The following CILP2 variants were observed in gnomAD, a reference collection of about 807,000 sequenced individuals.
The protein encoded by CILP2 is cartilage intermediate layer protein 2.
Under a neutral mutation model 45.6 loss-of-function variants are expected in CILP2, and 38 were observed. That is an observed-to-expected ratio of 0.83 (90% CI 0.64 to 1.09). The LOEUF (loss-of-function observed/expected upper bound fraction) is 1.09, where lower values mean the gene tolerates loss of function less well. CILP2 is among the 50% of genes least tolerant of loss of function. CILP2 has a pLI of 0.00. For missense variants in CILP2, 1,735 were observed against 1,662.2 expected, an observed-to-expected ratio of 1.04 and a Z score of -0.76; for synonymous variants, 780 against 723.5, an observed-to-expected ratio of 1.08 and a Z score of -1.25.
At chr19:19,539,625 C>A in intron 1 of CILP2, 54 bp from the exon 2 acceptor site, 1 of 1,343,836 alleles carries the variant, frequency 7.4e-7, no homozygotes, top group Non-Finnish European at 1.0e-6. Context: ...AGGAGGCTCC[C>A]AGCGGTCCCC....
chr19:19,540,287 T>C lies in CILP2; in HGVS notation c.247T>C (p.Tyr83His). ...DFESLAAIRFYYGPARVCPRP... is the reference protein window; with the variant it reads ...DFESLAAIRFHYGPARVCPRP... ...CGAGAGCCTGGCTGCCATCCGCTTC[T>C]ACTACGGGCCAGCGCGCGTGTGCCC... The change falls in exon 3 of 8, where the codon TAC becomes CAC. Residue 83 changes from tyrosine (Y) to histidine (H), a missense_variant. Tyr to His is a moderately conservative substitution (Grantham distance 83). Coordinates refer to ENST00000291495, the MANE Select transcript of CILP2 (RefSeq NM_153221.2). The C allele has an allele frequency of 1.3e-6, 2 of 1,597,632 alleles. No individual in the cohort carries two copies. Among genetic ancestry groups the C allele is most frequent in the Non-Finnish European group, 1.7e-6 (2 of 1,175,448 alleles).
chr19:19,539,098 G>C (rs540168584), intron 1 of CILP2, among the ~76,000 whole-genome samples: 1 of 152,316 alleles, frequency 6.6e-6, no homozygotes, highest in South Asian at 2.1e-4. Flanking sequence ...GGGGAACTGG[G>C]TGGTACTTGC....
chr19:19,545,739 C>T lies in CILP2; in HGVS notation c.3194C>T (p.Thr1065Ile). ...LGHNYGVYTV[T>I]DQSPRLAKEI... ...CACAACTATGGCGTCTACACTGTCACTGACCAGAGCCCACGCTTGGCCAAG... is the reference window on the plus strand; with the variant it reads ...CACAACTATGGCGTCTACACTGTCATTGACCAGAGCCCACGCTTGGCCAAG... The change falls in exon 8 of 8, where the codon ACT becomes ATT. Residue 1065 changes from threonine to isoleucine, a missense_variant. By Grantham distance (89) the Thr-to-Ile change is moderately conservative. Coordinates refer to ENST00000291495, the MANE Select transcript of CILP2 (RefSeq NM_153221.2). 1 of 1,612,880 alleles carries T rather than the reference C, an allele frequency of 6.2e-7. No individual in the cohort carries two copies. Among genetic ancestry groups the T allele is most frequent in the Non-Finnish European group, 8.5e-7 (1 of 1,179,552 alleles).
intron 2 of CILP2, 114 bp downstream of exon 2, chr19:19,539,891 G>A (rs1440209737): frequency 2.3e-6 from 2 of 861,038 alleles, no homozygotes; most frequent in South Asian, 2.1e-5. Flanking sequence ...GCCCGGCGCC[G>A]TCCTGGTCCC....
Position 19,545,509 on chromosome 19 carries a change from A to T in CILP2, c.2964A>T (p.Ala988=), listed in dbSNP as rs1039807326. Residue 988 remains alanine (A), a synonymous_variant, in exon 8 of 8, where the codon GCA becomes GCT. Coordinates refer to ENST00000291495, the MANE Select transcript of CILP2 (RefSeq NM_153221.2). The part of the protein sequence containing the change: ...VRDPERPGTS[A]ACVEFKCSGM... ...ACCCCGAGCGTCCGGGCACCTCGGC[A>T]GCCTGCGTGGAGTTCAAGTGCAGCG... The T allele has an allele frequency of 1.9e-6, 3 of 1,612,502 alleles. No individual in the cohort carries two copies. Among genetic ancestry groups the T allele is most frequent in the African/African-American group, 2.7e-5 (2 of 74,934 alleles).
In CILP2 at chr19:19,545,721, A is replaced by G. The variant is rs2061263078; in HGVS notation, c.3176A>G (p.Tyr1059Cys). 1 of 1,613,142 alleles carries G rather than the reference A, an allele frequency of 6.2e-7. No individual in the cohort carries two copies. Among genetic ancestry groups the G allele is most frequent in the Non-Finnish European group, 8.5e-7 (1 of 1,179,810 alleles). The stretch of plus-strand genomic sequence containing the variant: ...CCCCTAGACCCTCTGGGCCACAACT[A>G]TGGCGTCTACACTGTCACTGACCAG... ...LAPLDPLGHN[Y>C]GVYTVTDQSP... The change falls in exon 8 of 8, where the codon TAT (tyrosine) becomes TGT (cysteine). Residue 1059 changes from tyrosine to cysteine, a missense_variant. Tyr to Cys is a radical substitution (Grantham distance 194, BLOSUM62 -2). Coordinates refer to ENST00000291495, the MANE Select transcript of CILP2 (RefSeq NM_153221.2).
Position 19,544,976 on chromosome 19 carries a change from G to T in CILP2, c.2431G>T (p.Ala811Ser), listed in dbSNP as rs753346659. ...RPDAYTALVT[A>S]TLGGEELEPA... is the part of the protein sequence containing the mutation. ...AGACGCCTACACCGCCCTGGTCACC[G>T]CCACCCTGGGCGGCGAGGAGCTGGA... Residue 811 changes from alanine (A) to serine (S), a missense_variant, in exon 8 of 8, where the codon GCC (alanine) becomes TCC (serine). By Grantham distance (99) the Ala-to-Ser change is moderately conservative. Transcript: ENST00000291495. 1.9e-6 allele frequency: 3 copies of T among 1,596,346 alleles called. No homozygotes were observed. The highest frequency in any genetic ancestry group is 2.7e-5 in the African/African-American group (2 of 74,766).
At position 19,540,605 on chromosome 19, in the gene CILP2, C is replaced by T. The variant is rs531383058; in HGVS notation, c.436+129C>T. ...GGGTGTGGGCGTGGCTGGGAAGAGC[C>T]GGGGGACCCTTAGGCGTAGGACGAC... On this transcript the variant is annotated intron_variant, in intron 3 of 7. Coordinates refer to ENST00000291495, the MANE Select transcript of CILP2 (RefSeq NM_153221.2). 1.4e-4 allele frequency: 157 copies of T among 1,087,232 alleles called. 1 individual carries two copies. The East Asian group carries it at 4.7e-3, about 33-fold the overall frequency. The allele number at this position is 1,087,232 out of a possible 1,614,324, so 67.3% of individuals were successfully genotyped here.
chr19:19,544,379 C>G lies in CILP2; in HGVS notation c.1834C>G (p.Pro612Ala). The change falls in exon 8 of 8, where the codon CCC becomes GCC. Residue 612 changes from proline to alanine, a missense_variant. Pro to Ala is a conservative substitution (Grantham distance 27). Transcript: ENST00000291495. ...PVEARVTFVD[P>A]RDLTSAASAP... ...GGAGGCCCGGGTGACGTTCGTGGAC[C>G]CCCGAGACCTCACCTCGGCGGCGTC... The G allele has an allele frequency of 1.9e-6, 3 of 1,609,438 alleles. No individual in the cohort carries two copies. The highest frequency in any genetic ancestry group is 2.5e-6 in the Non-Finnish European group (3 of 1,178,974).
At position 19,546,175 on chromosome 19, in the gene CILP2, C is replaced by T. The variant is rs984906130; in HGVS notation, c.*159C>T. On this transcript the variant is annotated 3_prime_UTR_variant, in exon 8 of 8. Coordinates refer to ENST00000291495, the MANE Select transcript of CILP2 (RefSeq NM_153221.2). Reference sequence around the variant, plus strand: ...GAGTCAGACAAGAACCCAGAGCATCCGATGGTAGAAACACCAGGAAGACAA... The same window carrying T: ...GAGTCAGACAAGAACCCAGAGCATCTGATGGTAGAAACACCAGGAAGACAA... The T allele has an allele frequency of 5.1e-5, 27 of 527,872 alleles. No homozygotes were observed. The highest frequency in any genetic ancestry group is 7.1e-5 in the Non-Finnish European group (23 of 322,058). 32.7% of individuals were successfully genotyped at this position (527,872 alleles called of 1,614,324 possible).
chr19:19,543,745 T>G lies in CILP2; in HGVS notation c.1200T>G (p.Cys400Trp), dbSNP rs774101229. The change falls in exon 8 of 8, where the codon TGT becomes TGG. Residue 400 changes from cysteine (C) to tryptophan (W), a missense_variant. Cys to Trp is a radical substitution (Grantham distance 215). Transcript: ENST00000291495. ...ACCTGATCAAGCTCCCTGAGGACTG[T>G]GGTCAGCCAGGTAGTGGCCCTGCCT... ...REYLIKLPED[C>W]GQPGSGPAYL... 6.2e-7 allele frequency: 1 copy of G among 1,613,216 alleles called. No homozygotes were observed. Among genetic ancestry groups the G allele is most frequent in the Non-Finnish European group, 8.5e-7 (1 of 1,179,522 alleles).
chr19:19,541,076 CCCTGCCTTCCGCAGAAG>C lies in CILP2; in HGVS notation c.437-11_442del. ...GGGAGGGCGGCCACCTGATCTCCGT[CCCTGCCTTCCGCAGAAG>C]CCTCGTGGGGCGCGTGGGGCCCGTG... On this transcript the variant is annotated splice_acceptor_variant and splice_polypyrimidine_tract_variant and coding_sequence_variant and intron_variant, in exon 4 of 8. Coordinates refer to ENST00000291495, the MANE Select transcript of CILP2 (RefSeq NM_153221.2). LOFTEE classifies it high-confidence loss of function. 1.6e-6 allele frequency: 2 copies of C among 1,256,642 alleles called. No homozygotes were observed. Among genetic ancestry groups the C allele is most frequent in the Non-Finnish European group, 2.0e-6 (2 of 1,000,546 alleles). 77.8% of individuals were successfully genotyped at this position (1,256,642 alleles called of 1,614,324 possible).
Position 19,544,816 on chromosome 19 carries a change from C to A in CILP2, c.2271C>A (p.Gly757=). ...DKFTPSEQVE[G]VVVTLVNLEP... Reference sequence around the variant, plus strand: ...TCACCCCCAGCGAGCAGGTGGAGGGCGTGGTGGTCACGCTGGTCAATCTGG... The same window carrying A: ...TCACCCCCAGCGAGCAGGTGGAGGGAGTGGTGGTCACGCTGGTCAATCTGG... Residue 757 remains glycine, a synonymous_variant, in exon 8 of 8, where the codon GGC becomes GGA. Transcript: ENST00000291495. 6.2e-7 allele frequency: 1 copy of A among 1,603,778 alleles called. No individual in the cohort carries two copies. The highest frequency in any genetic ancestry group is 8.5e-7 in the Non-Finnish European group (1 of 1,179,546).
In CILP2 at chr19:19,545,793, G is replaced by T. The variant is rs1320158817; in HGVS notation, c.3248G>T (p.Gly1083Val). The change falls in exon 8 of 8, where the codon GGT (glycine) becomes GTT (valine). Residue 1083 changes from glycine (G) to valine (V), a missense_variant. By Grantham distance (109) the Gly-to-Val change is moderately radical (BLOSUM62 -3). Transcript: ENST00000291495. Reference sequence around the variant, plus strand: ...ATCGCCATTGGCCGCTGCTTTGATGGTTCCTCTGACGGCTTCTCCAGAGAG... The same window carrying T: ...ATCGCCATTGGCCGCTGCTTTGATGTTTCCTCTGACGGCTTCTCCAGAGAG... ...KEIAIGRCFD[G>V]SSDGFSREMK... 1 of 1,599,030 alleles carries T rather than the reference G, an allele frequency of 6.3e-7. No individual in the cohort carries two copies. The highest frequency in any genetic ancestry group is 1.1e-5 in the South Asian group (1 of 89,968).
At position 19,541,233 on chromosome 19, in the gene CILP2, G is replaced by T; in HGVS notation, c.579G>T (p.Arg193=). 2 of 1,286,634 alleles carry T rather than the reference G, an allele frequency of 1.6e-6. No individual in the cohort carries two copies. Among genetic ancestry groups the T allele is most frequent in the Non-Finnish European group, 2.0e-6 (2 of 1,015,604 alleles). The allele number at this position is 1,286,634 out of a possible 1,614,324, so 79.7% of individuals were successfully genotyped here. The change falls in exon 4 of 8, where the codon CGG becomes CGT. Residue 193 remains arginine, a synonymous_variant. Coordinates refer to ENST00000291495, the MANE Select transcript of CILP2 (RefSeq NM_153221.2). ...CTCTGGAGGCGCAGAAGTGCGTGCGGCCTCGGTGTCCAGGTAGGAGGGGCG... is the reference window on the plus strand; with the variant it reads ...CTCTGGAGGCGCAGAAGTGCGTGCGTCCTCGGTGTCCAGGTAGGAGGGGCG... ...GRPLEAQKCV[R]PRCPGCSLDT...
rs1259655165 is a variant in CILP2, at chr19:19,541,151, G to A, written c.497G>A (p.Arg166His). Residue 166 changes from arginine (R) to histidine (H), a missense_variant, in exon 4 of 8, where the codon CGT becomes CAT. Physicochemically the swap from Arg to His is conservative, Grantham distance 29. Coordinates refer to ENST00000291495, the MANE Select transcript of CILP2 (RefSeq NM_153221.2). ...GPCSGSCGPG[R>H]RLRRRHCPSP... ...TGCTCGGGGAGCTGTGGGCCAGGCC[G>A]TCGCTTGCGCCGCCGCCACTGCCCA... 1.6e-6 allele frequency: 2 copies of A among 1,258,876 alleles called. No individual in the cohort carries two copies. The highest frequency in any genetic ancestry group is 3.9e-5 in the Admixed American group (1 of 25,914). 78.0% of individuals were successfully genotyped at this position (1,258,876 alleles called of 1,614,324 possible).
rs1439836742 is a variant in CILP2 at position 19,545,891 on chromosome 19, C to T, written c.3346C>T (p.Gln1116Ter). ...EPPAGRPSLF[Q>*]RLLESPATAL... ...ACCGGCCGGACGACCCAGCCTCTTC[C>T]AGAGGCTGCTGGAGTCCCCGGCGAC... The change falls in exon 8 of 8, where the codon CAG becomes TAG. Residue 1116 changes from glutamine to a stop codon, truncating the protein, a stop_gained. Coordinates refer to ENST00000291495, the MANE Select transcript of CILP2 (RefSeq NM_153221.2). LOFTEE classifies it low-confidence loss of function (END_TRUNC). 6.3e-7 allele frequency: 1 copy of T among 1,586,540 alleles called. No individual in the cohort carries two copies. The highest frequency in any genetic ancestry group is 1.7e-5 in the Admixed American group (1 of 57,982).
chr19:19,544,217 G>GCC lies in CILP2; in HGVS notation c.1675_1676dup (p.Val560ArgfsTer49), dbSNP rs774444065. 2.5e-6 allele frequency: 4 copies of GCC among 1,613,926 alleles called. No individual in the cohort carries two copies. In the Admixed American group the frequency reaches 6.7e-5, roughly 27 times the overall value. On this transcript the variant is annotated frameshift_variant, in exon 8 of 8. Coordinates refer to ENST00000291495, the MANE Select transcript of CILP2 (RefSeq NM_153221.2). LOFTEE classifies it low-confidence loss of function (END_TRUNC). ...CGAGGTCAAGGCCATGCGGAAGAAAGCCCCGGTCATTTTACATACCAGCCA... is the reference window on the plus strand; with the variant it reads ...CGAGGTCAAGGCCATGCGGAAGAAAGCCCCCCGGTCATTTTACATACCAGCCA...
Position 19,544,941 on chromosome 19 carries a change from C to CCTACACCGCCTACACCTTCTG in CILP2, c.2397_2398insTACACCGCCTACACCTTCTGC (p.Ala799_Asp800insTyrThrAlaTyrThrPheCys). 1 of 1,593,300 alleles carries CCTACACCGCCTACACCTTCTG rather than the reference C, an allele frequency of 6.3e-7. No individual in the cohort carries two copies. The highest frequency in any genetic ancestry group is 1.1e-5 in the South Asian group (1 of 90,490). ...GCCTGCCTCCCCGCCTTCTGCGACG[C>CCTACACCGCCTACACCTTCTG]CGACAGGCCAGACGCCTACACCGCC... On this transcript the variant is annotated inframe_insertion, in exon 8 of 8. Coordinates refer to ENST00000291495, the MANE Select transcript of CILP2 (RefSeq NM_153221.2).
Sources: gnomAD v4.1 joint callset for allele counts (sites outside exome capture counted in the v4.1 genomes callset) on GRCh38, gnomAD v4.1.1 for gene constraint, MANE v1.5 for transcripts, NCBI Gene and HGNC (gene_info 2026-07-23, HGNC 2026-07-21) for gene names.